The following PRKCE variants were observed in gnomAD, a reference collection of about 807,000 sequenced individuals.
The protein encoded by PRKCE is protein kinase C epsilon type.
Under a neutral mutation model 85.4 loss-of-function variants are expected in PRKCE, and 16 were observed. The observed-to-expected ratio is 0.19, with a 90% CI of 0.13 to 0.28. The LOEUF (loss-of-function observed/expected upper bound fraction) is 0.28. Ranked by LOEUF, PRKCE falls within the 10% of genes least tolerant of loss-of-function variation. The pLI is 1.00. For synonymous variants in PRKCE, 388 were observed against 371.5 expected, an observed-to-expected ratio of 1.04 and a Z score of -0.51; for missense variants, 573 against 975.2, an observed-to-expected ratio of 0.59 and a Z score of 5.49.
intron 1 of PRKCE, among the ~76,000 whole-genome samples, chr2:45,778,533 A>G (rs1304528730): frequency 6.6e-6 from 1 of 151,910 alleles, no homozygotes; most frequent in African/African-American, 2.4e-5. Context: ...CACTACTTTC[A>G]CTCAGCGTCC....
intron 9 of PRKCE, among the ~76,000 whole-genome samples, chr2:46,008,594 G>T (rs536697451): frequency 6.6e-6 from 1 of 152,298 alleles, no homozygotes; most frequent in East Asian, 1.9e-4. Flanking sequence ...GCAGCAGCCT[G>T]TAGGTCAGTC....
At position 45,652,572 on chromosome 2, in the gene PRKCE, T is replaced by C. The variant is rs1675174121; in HGVS notation, c.348+124T>C. On this transcript the variant is annotated intron_variant, in intron 1 of 14. Coordinates refer to ENST00000306156, the MANE Select transcript of PRKCE (RefSeq NM_005400.3). This position sits in a 1 kb window ranked among gnomAD's most constrained non-coding sequence, Gnocchi z 7.7. ...ACTGGGGTGTGTGTGCCTGTAAGTC[T>C]CAGTTTCCTTGGGGAGGTACACTTC... 2.1e-6 allele frequency: 2 copies of C among 934,998 alleles called. No individual in the cohort carries two copies. The highest frequency in any genetic ancestry group is 2.9e-5 in the Admixed American group (1 of 34,954). 57.9% of individuals were successfully genotyped at this position (934,998 alleles called of 1,614,324 possible).
At chr2:46,090,034 A>C (rs1670014031) in intron 11 of PRKCE, among the ~76,000 whole-genome samples, 1 of 151,954 alleles carries the variant, frequency 6.6e-6, no homozygotes, top group Admixed American at 6.6e-5. Context: ...ATACTTGGGG[A>C]GGGGAAATAG....
intron 2 of PRKCE, among the ~76,000 whole-genome samples, chr2:45,879,111 C>A (rs1182736372): frequency 2.0e-5 from 3 of 152,164 alleles, no homozygotes; most frequent in Non-Finnish European, 2.9e-5. Flanking sequence ...CCTGGCCCAC[C>A]CTGCCCCTGC....
At chr2:45,892,493 T>A (rs184716484) in intron 2 of PRKCE, among the ~76,000 whole-genome samples, 2 of 152,188 alleles carry the variant, frequency 1.3e-5, no homozygotes, top group East Asian at 1.9e-4. Flanking sequence ...AGCTGAGGAC[T>A]TGAGGACTCA....
At chr2:45,903,961 T>A (rs2103750383) in intron 2 of PRKCE, among the ~76,000 whole-genome samples, 1 of 150,796 alleles carries the variant, frequency 6.6e-6, no homozygotes, top group Non-Finnish European at 1.5e-5. Flanking sequence ...TGGAGTGCAG[T>A]GGCATGATCC....
intron 2 of PRKCE, among the ~76,000 whole-genome samples, chr2:45,870,142 G>C (rs996569658): frequency 6.6e-6 from 1 of 152,186 alleles, no homozygotes; most frequent in Non-Finnish European, 1.5e-5. Flanking sequence ...CCTCTGAAGG[G>C]CTCCTCACAT....
intron 10 of PRKCE, 61 bp downstream of exon 10, chr2:46,010,578 A>G: frequency 1.3e-6 from 2 of 1,597,720 alleles, no homozygotes; most frequent in Non-Finnish European, 1.7e-6. Context: ...CAGATAAAAT[A>G]CCAATTTTAG....
In PRKCE at chr2:45,653,503, C is replaced by T. The variant is rs143229024; in HGVS notation, c.348+1055C>T. Among the ~76,000 whole-genome samples the T allele has an allele frequency of 8.3e-4, 122 of 146,950 alleles. 1 individual carries two copies. The East Asian group carries it at 0.02, about 24-fold the overall frequency. On this transcript the variant is annotated intron_variant, in intron 1 of 14. Transcript: ENST00000306156. ...GCGTTCCTCTGGAGGTATATGTTTT[C>T]AGGGTTCTTTGGTCTACACAAAAAG...
At chr2:45,871,798 G>A (rs998252270) in intron 2 of PRKCE, among the ~76,000 whole-genome samples, 1 of 152,192 alleles carries the variant, frequency 6.6e-6, no homozygotes, top group African/African-American at 2.4e-5. Context: ...CTGCCCCAGA[G>A]AGGAGAGACA....
At chr2:45,849,005 C>G (rs1692025957) in intron 2 of PRKCE, among the ~76,000 whole-genome samples, 1 of 152,240 alleles carries the variant, frequency 6.6e-6, no homozygotes, top group East Asian at 1.9e-4. Context: ...AGCTTTGAAG[C>G]TCTTATTTTC....
Position 46,068,170 on chromosome 2 carries a change from C to A in PRKCE, c.1438-18038C>A, listed in dbSNP as rs914021470. Among the ~76,000 whole-genome samples the A allele has an allele frequency of 2.0e-5, 3 of 152,040 alleles. No homozygotes were observed. Among genetic ancestry groups the A allele is most frequent in the Non-Finnish European group, 4.4e-5 (3 of 68,008 alleles). ...CAGAGGGTCATGAATTAGTATAAACCTTAGCTGGTCTGTATCCAGGATGAA... is the reference window on the plus strand; with the variant it reads ...CAGAGGGTCATGAATTAGTATAAACATTAGCTGGTCTGTATCCAGGATGAA... On this transcript the variant is annotated intron_variant, in intron 10 of 14. Transcript: ENST00000306156. This position sits in a 1 kb window ranked among gnomAD's most constrained non-coding sequence, Gnocchi z 4.3.
intron 1 of PRKCE, among the ~76,000 whole-genome samples, chr2:45,673,969 C>T (rs1368710677): frequency 2.6e-5 from 4 of 151,952 alleles, no homozygotes; most frequent in Non-Finnish European, 4.4e-5. Flanking sequence ...TGCAATTGAA[C>T]TCTTGCTCCT....
At chr2:45,780,106 CA>C (rs1558662922) in intron 1 of PRKCE, among the ~76,000 whole-genome samples, 2 of 152,164 alleles carry the variant, frequency 1.3e-5, no homozygotes, top group African/African-American at 2.4e-5. Flanking sequence ...GCCATTATCA[CA>C]TTAAAGAAAC....
intron 11 of PRKCE, among the ~76,000 whole-genome samples, chr2:46,128,084 A>T (rs925445201): frequency 3.3e-5 from 5 of 152,252 alleles, no homozygotes; most frequent in Non-Finnish European, 2.9e-5. Context: ...AAGCAGGTAC[A>T]GACACCAGGT....
chr2:45,780,244 TG>T (rs1686077680), intron 1 of PRKCE, among the ~76,000 whole-genome samples: 1 of 152,276 alleles, frequency 6.6e-6, no homozygotes. Context: ...ATTTGAGTGC[TG>T]TTTTTTATGT....
chr2:45,969,067 C>T (rs563102996), intron 2 of PRKCE, among the ~76,000 whole-genome samples: 7 of 90,832 alleles, frequency 7.7e-5, no homozygotes, highest in Non-Finnish European at 1.5e-4. Flanking sequence ...TGATATAAAA[C>T]CTTCTGGAGT....
At chr2:45,934,906 T>A (rs866344822) in intron 2 of PRKCE, among the ~76,000 whole-genome samples, 5 of 131,582 alleles carry the variant, frequency 3.8e-5, no homozygotes, top group Admixed American at 7.4e-5. Flanking sequence ...AAAAAAAAAA[T>A]TTAAATTAGC....
chr2:45,795,076 AC>A (rs569088955), intron 1 of PRKCE, among the ~76,000 whole-genome samples: 6 of 151,964 alleles, frequency 3.9e-5, no homozygotes, highest in Non-Finnish European at 8.8e-5. Context: ...TGAGGCCAGC[AC>A]CTCTTCTCCT....
Sources: gnomAD v4.1 joint callset for allele counts (sites outside exome capture counted in the v4.1 genomes callset) on GRCh38, gnomAD v4.1.1 for gene constraint, Gnocchi (gnomAD v3.1) non-coding constraint, MANE v1.5 for transcripts, NCBI Gene and HGNC (gene_info 2026-07-23, HGNC 2026-07-21) for gene names.